The following IL1RAPL2 variants were observed in gnomAD, a reference collection of about 807,000 sequenced individuals.
IL1RAPL2 encodes X-linked interleukin-1 receptor accessory protein-like 2.
In IL1RAPL2, 3 loss-of-function variants were observed where a neutral mutation model predicts 44.1. That is an observed-to-expected ratio of 0.07 (90% CI 0.03 to 0.18). The LOEUF is 0.18. Among genes scored for constraint, IL1RAPL2 ranks in the 10% least tolerant of loss-of-function variants. The probability of loss-of-function intolerance (pLI) is 1.00; values close to 1 mark genes in which losing one functional copy is unlikely to be tolerated. For synonymous variants in IL1RAPL2, 181 were observed against 178.8 expected (o/e 1.01, Z -0.10); for missense variants, 391 against 496.4 (o/e 0.79, Z 2.02).
chrX:104,684,553 T>C (rs1383099745), intron 2 of IL1RAPL2, among the ~76,000 whole-genome samples: 1 of 112,417 alleles, frequency 8.9e-6, no homozygotes, highest in Non-Finnish European at 1.9e-5. Context: ...TTATAAAATG[T>C]CAGAGTGGGG....
chrX:105,658,860 G>C (rs767181918), intron 6 of IL1RAPL2, among the ~76,000 whole-genome samples: 2 of 108,281 alleles, frequency 1.8e-5, no homozygotes, highest in South Asian at 8.5e-4. Flanking sequence ...TACTTGGGAG[G>C]CTGAGGCAGG....
intron 2 of IL1RAPL2, among the ~76,000 whole-genome samples, chrX:104,733,268 A>G (rs1931955076): frequency 9.0e-6 from 1 of 111,483 alleles, no homozygotes; most frequent in African/African-American, 3.3e-5. Context: ...ACTTATTGTG[A>G]AAGAATGATT....
At chrX:105,210,192 C>T (rs1325186644) in intron 3 of IL1RAPL2, among the ~76,000 whole-genome samples, 1 of 112,160 alleles carries the variant, frequency 8.9e-6, no homozygotes, top group Non-Finnish European at 1.9e-5. Flanking sequence ...CTCTCCTTTT[C>T]CCTTCTGTTC....
At chrX:105,063,724 G>A (rs770581728) in intron 2 of IL1RAPL2, among the ~76,000 whole-genome samples, 16 of 112,215 alleles carry the variant, frequency 1.4e-4, no homozygotes, top group Non-Finnish European at 2.8e-4. Flanking sequence ...AGACTTGGAT[G>A]TTGTAATCTA....
chrX:105,621,109 C>G (rs2037416271), intron 6 of IL1RAPL2, among the ~76,000 whole-genome samples: 2 of 111,290 alleles, frequency 1.8e-5, no homozygotes, highest in African/African-American at 6.5e-5. Flanking sequence ...TATAAGTATA[C>G]CTGTAGTTTC....
chrX:105,551,969 G>A (rs1011571825), intron 6 of IL1RAPL2, among the ~76,000 whole-genome samples: 3 of 110,477 alleles, frequency 2.7e-5, no homozygotes, highest in Non-Finnish European at 3.8e-5. Flanking sequence ...AGCTGGGCGT[G>A]GTGGCGGGCG....
intron 5 of IL1RAPL2, among the ~76,000 whole-genome samples, chrX:105,465,978 T>G (rs1317226181): frequency 5.4e-5 from 6 of 111,672 alleles, no homozygotes; most frequent in African/African-American, 1.3e-4. Flanking sequence ...ACATTATCCC[T>G]GACATTATTG....
intron 1 of IL1RAPL2, among the ~76,000 whole-genome samples, chrX:104,620,000 G>A (rs1569282296): frequency 9.0e-6 from 1 of 111,033 alleles, no homozygotes; most frequent in Non-Finnish European, 1.9e-5. Flanking sequence ...GAGAGAGGAA[G>A]CATGTATGGG....
intron 5 of IL1RAPL2, among the ~76,000 whole-genome samples, chrX:105,398,090 T>C (rs1387290604): frequency 9.0e-6 from 1 of 111,420 alleles, no homozygotes; most frequent in African/African-American, 3.3e-5. Context: ...CTAAGTAGAA[T>C]TGGATTGGAT....
At chrX:105,620,476 G>A (rs940437112) in intron 6 of IL1RAPL2, among the ~76,000 whole-genome samples, 11 of 110,353 alleles carry the variant, frequency 1.0e-4, no homozygotes, top group African/African-American at 3.3e-4. Context: ...TGCTTTATAT[G>A]GCTTATCTCA....
In IL1RAPL2 at chrX:105,339,849, G is replaced by C. The variant is rs534255043; in HGVS notation, c.697+72308G>C. On this transcript the variant is annotated intron_variant, in intron 5 of 10. Coordinates refer to ENST00000372582, the MANE Select transcript of IL1RAPL2 (RefSeq NM_017416.2). ...TATAATCAGTGGCATACTAAGGCTG[G>C]AGCCACGGAAGCAGTCCACTCTGGG... Among the ~76,000 whole-genome samples, 7 of 111,382 alleles carry C rather than the reference G, an allele frequency of 6.3e-5. No homozygotes were observed. The South Asian group carries it at 1.9e-3, about 31-fold the overall frequency.
chrX:105,085,502 C>T (rs767912393), intron 2 of IL1RAPL2, among the ~76,000 whole-genome samples: 1 of 111,926 alleles, frequency 8.9e-6, no homozygotes, highest in Non-Finnish European at 1.9e-5. Context: ...AGAATGGCTA[C>T]TATAAAAAAG....
intron 2 of IL1RAPL2, among the ~76,000 whole-genome samples, chrX:104,772,189 T>C (rs182976547): frequency 4.4e-4 from 49 of 112,172 alleles, no homozygotes; most frequent in African/African-American, 1.6e-3. Context: ...ACTGCTGTTT[T>C]GGAGGCATTA....
intron 2 of IL1RAPL2, among the ~76,000 whole-genome samples, chrX:105,069,044 G>A (rs2032173670): frequency 8.9e-6 from 1 of 111,919 alleles, no homozygotes; most frequent in African/African-American, 3.2e-5. Context: ...ACAATGTCAG[G>A]AGAGCTTCCT....
At chrX:105,005,033 A>G (rs1010700981) in intron 2 of IL1RAPL2, among the ~76,000 whole-genome samples, 14 of 110,184 alleles carry the variant, frequency 1.3e-4, no homozygotes, top group African/African-American at 4.6e-4. Flanking sequence ...TCATGCCTTC[A>G]GCCTTCCTCC....
intron 2 of IL1RAPL2, among the ~76,000 whole-genome samples, chrX:104,918,757 C>G (rs1449217566): frequency 1.8e-5 from 2 of 111,756 alleles, no homozygotes; most frequent in Non-Finnish European, 3.8e-5. Context: ...GAGGCAAAAT[C>G]TTAGTTGAGT....
intron 5 of IL1RAPL2, among the ~76,000 whole-genome samples, chrX:105,419,757 C>A (rs1326482490): frequency 2.7e-5 from 3 of 112,019 alleles, no homozygotes; most frequent in Non-Finnish European, 5.6e-5. Context: ...AACCCAGAGG[C>A]AACTCCAATC....
At chrX:105,284,189 A>G (rs953149712) in intron 5 of IL1RAPL2, among the ~76,000 whole-genome samples, 2 of 111,723 alleles carry the variant, frequency 1.8e-5, no homozygotes, top group Non-Finnish European at 3.8e-5. Flanking sequence ...ATTTATAGAT[A>G]AAGGAACTCA....
chrX:104,860,026 G>A (rs1457707520), intron 2 of IL1RAPL2, among the ~76,000 whole-genome samples: 1 of 112,075 alleles, frequency 8.9e-6, no homozygotes, highest in Non-Finnish European at 1.9e-5. Context: ...TTTTAAAAAG[G>A]CATTTAGCTC....
Sources: allele counts gnomAD v4.1 joint callset (sites outside exome capture counted in the v4.1 genomes callset), GRCh38; gene constraint gnomAD v4.1.1; transcripts MANE v1.5; gene names NCBI Gene and HGNC (gene_info 2026-07-23, HGNC 2026-07-21).